Variants in MAP3K9 observed in about 807,000 individuals in gnomAD.
MAP3K9 encodes the protein mitogen-activated protein kinase kinase kinase 9, also known as mixed lineage kinase 1 (tyr and ser/thr specificity).
Under a neutral mutation model 95.8 loss-of-function variants are expected in MAP3K9, and 46 were observed. That is an observed-to-expected ratio of 0.48 (90% CI 0.38 to 0.61). MAP3K9 has a LOEUF of 0.61. Ranked by LOEUF, MAP3K9 falls within the 20% of genes least tolerant of loss-of-function variation. The pLI is 0.00. For synonymous variants in MAP3K9, 533 were observed against 593.8 expected, an observed-to-expected ratio of 0.90 and a Z score of 1.49; for missense variants, 1,296 against 1,474.3, an observed-to-expected ratio of 0.88 and a Z score of 1.98.
intron 2 of MAP3K9, among the ~76,000 whole-genome samples, chr14:70,795,970 G>A (rs1467237541): frequency 1.3e-5 from 2 of 151,882 alleles, no homozygotes; most frequent in African/African-American, 4.8e-5. Context: ...GGCCAGACTG[G>A]TCTTGAACTC....
At position 70,776,286 on chromosome 14, in the gene MAP3K9, G is replaced by A. The variant is rs201888028; in HGVS notation, c.821-15104C>T. ...CAAGGTGTGGTGGCAAAAGCTTACCGGCAGGCAGCATCTCCCCAGGCATAA... is the reference window on the plus strand; with the variant it reads ...CAAGGTGTGGTGGCAAAAGCTTACCAGCAGGCAGCATCTCCCCAGGCATAA... On this transcript the variant is annotated intron_variant, in intron 2 of 11. Transcript: ENST00000554752. Among the ~76,000 whole-genome samples, 6 of 152,152 alleles carry A rather than the reference G, an allele frequency of 3.9e-5. No homozygotes were observed. The East Asian group carries it at 1.2e-3, about 29-fold the overall frequency.
intron 8 of MAP3K9, among the ~76,000 whole-genome samples, chr14:70,737,164 A>G (rs550868218): frequency 1.3e-5 from 2 of 152,360 alleles, no homozygotes; most frequent in South Asian, 4.1e-4. Flanking sequence ...TATGAAGTAT[A>G]AACGGTTCCG....
intron 5 of MAP3K9, among the ~76,000 whole-genome samples, chr14:70,745,855 T>C (rs1262183838): frequency 6.6e-6 from 1 of 152,160 alleles, no homozygotes; most frequent in Non-Finnish European, 1.5e-5. Context: ...AATAAATGAA[T>C]GAAGAGAAAT....
chr14:70,797,099 T>C (rs2054873153), intron 2 of MAP3K9, among the ~76,000 whole-genome samples: 1 of 152,194 alleles, frequency 6.6e-6, no homozygotes, highest in African/African-American at 2.4e-5. Flanking sequence ...TTACTGAACC[T>C]TTCTAACAGC....
chr14:70,809,355 C>G lies in MAP3K9; in HGVS notation c.-184G>C, dbSNP rs2055041208. 1 of 720,652 alleles carries G rather than the reference C, an allele frequency of 1.4e-6. No individual in the cohort carries two copies. Among genetic ancestry groups the G allele is most frequent in the Non-Finnish European group, 1.9e-6 (1 of 522,540 alleles). The allele number at this position is 720,652 out of a possible 1,614,324, so 44.6% of individuals were successfully genotyped here. A position where few individuals can be genotyped will look rare whatever the true frequency, so the allele number is the denominator to read the frequency against. On this transcript the variant is annotated 5_prime_UTR_variant, in exon 1 of 12. Transcript: ENST00000554752. Reference sequence around the variant, plus strand: ...CGCTGTTACCGCGGTACGAGAAGAGCGCCGAGCGCGAGCTCTTCGCGCAGC... The same window carrying G: ...CGCTGTTACCGCGGTACGAGAAGAGGGCCGAGCGCGAGCTCTTCGCGCAGC...
chr14:70,776,336 C>T (rs1226448685), intron 2 of MAP3K9, among the ~76,000 whole-genome samples: 3 of 152,162 alleles, frequency 2.0e-5, no homozygotes, highest in Non-Finnish European at 4.4e-5. Flanking sequence ...GTGCTAAAAG[C>T]ACCATGGCTG....
chr14:70,773,210 A>G (rs111942784), intron 2 of MAP3K9, among the ~76,000 whole-genome samples: 97 of 152,326 alleles, frequency 6.4e-4, no homozygotes, highest in African/African-American at 1.7e-3. Flanking sequence ...GGAAGGAATT[A>G]CCTGTCTGCT....
chr14:70,760,178 C>CACACAG (rs755367616), intron 3 of MAP3K9, among the ~76,000 whole-genome samples: 3 of 151,326 alleles, frequency 2.0e-5, no homozygotes, highest in Non-Finnish European at 4.4e-5. Context: ...CACACATACA[C>CACACAG]AGCTCACTTT....
chr14:70,803,819 C>A (rs566669987), intron 1 of MAP3K9, among the ~76,000 whole-genome samples: 1 of 152,332 alleles, frequency 6.6e-6, no homozygotes, highest in East Asian at 1.9e-4. Flanking sequence ...GGCATCCATT[C>A]CATAATCCTT....
Position 70,761,192 on chromosome 14 carries a change from G to A in MAP3K9, c.821-10C>T, listed in dbSNP as rs1312132068. 6.2e-7 allele frequency: 1 copy of A among 1,602,644 alleles called. No individual in the cohort carries two copies. The highest frequency in any genetic ancestry group is 1.7e-5 in the Admixed American group (1 of 58,032). ...TTCTGGAGGATCAATACTAGGCAAG[G>A]AAAAGAATACAGAAGAAACCAGAGT... On this transcript the variant is annotated splice_polypyrimidine_tract_variant and intron_variant, in intron 2 of 11. Transcript: ENST00000554752.
Position 70,809,090 on chromosome 14 carries a change from C to T in MAP3K9, c.82G>A (p.Gly28Arg). The T allele has an allele frequency of 7.0e-7, 1 of 1,424,574 alleles. No individual in the cohort carries two copies. The highest frequency in any genetic ancestry group is 9.1e-7 in the Non-Finnish European group (1 of 1,097,216). The allele number at this position is 1,424,574 out of a possible 1,614,324, so 88.2% of individuals were successfully genotyped here. The change falls in exon 1 of 12, where the codon GGG (glycine) becomes AGG (arginine). Residue 28 changes from glycine (G) to arginine (R), a missense_variant. Around this residue, in one of 5 missense-constraint regions of MAP3K9, gnomAD observed 338 missense variants for 363.4 expected, o/e 0.93. Transcript: ENST00000554752. ...APPGEDGAGA[G>R]AEEEEEEEEE... ...TCCTCCTCCTCCTCCTCCTCGGCCCCGGCCCCTGCTCCATCCTCCCCCGGC... is the reference window on the plus strand; with the variant it reads ...TCCTCCTCCTCCTCCTCCTCGGCCCTGGCCCCTGCTCCATCCTCCCCCGGC...
intron 2 of MAP3K9, among the ~76,000 whole-genome samples, chr14:70,797,121 C>A: frequency 6.6e-6 from 1 of 152,132 alleles, no homozygotes; most frequent in Non-Finnish European, 1.5e-5. Flanking sequence ...AGGGGTTTAT[C>A]ATCAACTGCT....
At chr14:70,742,075 T>G (rs539142037) in intron 6 of MAP3K9, among the ~76,000 whole-genome samples, 49 of 152,332 alleles carry the variant, frequency 3.2e-4, no homozygotes, top group African/African-American at 1.1e-3. Context: ...AAGTGAGATG[T>G]GCCCCTGTGA....
chr14:70,749,993 T>C lies in MAP3K9; in HGVS notation c.1090A>G (p.Asn364Asp). The C allele has an allele frequency of 6.2e-7, 1 of 1,614,206 alleles. No individual in the cohort carries two copies. Among genetic ancestry groups the C allele is most frequent in the Non-Finnish European group, 8.5e-7 (1 of 1,180,040 alleles). ...GAAGGAATAGGAAGGGCGAGTTTGT[T>C]CATGGCCACTCCATAAGCGACTGCT... ...GLAVAYGVAM[N>D]KLALPIPSTC... The change falls in exon 4 of 12, where the codon AAC (asparagine) becomes GAC (aspartate). Residue 364 changes from asparagine (N) to aspartate (D), a missense_variant. By Grantham distance (23) the Asn-to-Asp change is conservative (BLOSUM62 1). Transcript: ENST00000554752.
intron 2 of MAP3K9, among the ~76,000 whole-genome samples, chr14:70,791,680 C>T (rs1190176798): frequency 4.6e-5 from 7 of 152,222 alleles, no homozygotes; most frequent in Non-Finnish European, 2.9e-5. Flanking sequence ...TCTCAGATCA[C>T]GTCGGAAACA....
intron 8 of MAP3K9, 42 bp downstream of exon 8, chr14:70,738,203 C>A (rs1360207634): frequency 1.3e-6 from 2 of 1,562,304 alleles, no homozygotes; most frequent in Non-Finnish European, 1.7e-6. Context: ...ATGGTACATC[C>A]ATCTTCAAGA....
At chr14:70,738,822 G>A (rs1386476439) in intron 7 of MAP3K9, among the ~76,000 whole-genome samples, 1 of 152,146 alleles carries the variant, frequency 6.6e-6, no homozygotes, top group African/African-American at 2.4e-5. Context: ...AGAAAATGAG[G>A]AGTTCAAGGT....
chr14:70,731,826 T>C (rs1461428666), intron 11 of MAP3K9, among the ~76,000 whole-genome samples: 1 of 152,238 alleles, frequency 6.6e-6, no homozygotes, highest in Non-Finnish European at 1.5e-5. Context: ...GAAAGGGTAT[T>C]ACTATGCCCC....
At position 70,742,601 on chromosome 14, in the gene MAP3K9, GGGCA is replaced by G; in HGVS notation, c.1327-14_1327-11del. On this transcript the variant is annotated splice_polypyrimidine_tract_variant and intron_variant, in intron 5 of 11. Transcript: ENST00000554752. ...CCCAGGTGCGAAGTTCCTGCAGGAT[GGGCA>G]GAACCATCAGAGAAAAGACTGGGGT... The G allele has an allele frequency of 6.2e-7, 1 of 1,612,848 alleles. No individual in the cohort carries two copies. The highest frequency in any genetic ancestry group is 8.5e-7 in the Non-Finnish European group (1 of 1,179,300).
Sources: gnomAD v4.1 joint callset for allele counts (sites outside exome capture counted in the v4.1 genomes callset) on GRCh38, gnomAD v4.1.1 for gene constraint, gnomAD v4.1.1 regional missense constraint, MANE v1.5 for transcripts, NCBI Gene and HGNC (gene_info 2026-07-23, HGNC 2026-07-21) for gene names.